C6: variants seen among roughly 807,000 people sequenced by gnomAD.
C6 encodes complement component C6.
C6 carries 101 observed loss-of-function variants against 112.9 expected under a neutral mutation model. That is an observed-to-expected ratio of 0.89 (90% CI 0.76 to 1.06). The LOEUF (loss-of-function observed/expected upper bound fraction) is 1.06. C6 is among the 50% of genes least tolerant of loss of function. C6 has a pLI of 0.00. For synonymous variants in C6, 431 were observed against 384.1 expected, an observed-to-expected ratio of 1.12 and a Z score of -1.43; for missense variants, 1,202 against 1,104.6, an observed-to-expected ratio of 1.09 and a Z score of -1.25.
At chr5:41,194,119 A>G (rs1183566444) in intron 5 of C6, among the ~76,000 whole-genome samples, 2 of 152,176 alleles carry the variant, frequency 1.3e-5, no homozygotes, top group Non-Finnish European at 2.9e-5. Context: ...CCCTTCATCA[A>G]TCAGAACATT....
intron 1 of C6, among the ~76,000 whole-genome samples, chr5:41,207,892 C>T (rs1751568171): frequency 6.6e-6 from 1 of 152,164 alleles, no homozygotes; most frequent in Admixed American, 6.5e-5. Context: ...TAGACATCTC[C>T]AGAACTCTCC....
At chr5:41,161,084 C>A (rs988138933) in intron 10 of C6, among the ~76,000 whole-genome samples, 1 of 152,054 alleles carries the variant, frequency 6.6e-6, no homozygotes, top group African/African-American at 2.4e-5. Flanking sequence ...ATGATTGAAA[C>A]CTTTTATCTT....
intron 1 of C6, among the ~76,000 whole-genome samples, chr5:41,245,514 A>T (rs1252816775): frequency 6.6e-6 from 1 of 152,158 alleles, no homozygotes; most frequent in Non-Finnish European, 1.5e-5. Context: ...AGAAAAAAAA[A>T]AATTTAACAA....
intron 6 of C6, among the ~76,000 whole-genome samples, chr5:41,185,707 T>A (rs1030677885): frequency 6.6e-6 from 1 of 152,188 alleles, no homozygotes; most frequent in African/African-American, 2.4e-5. Flanking sequence ...CTAAGAGCAC[T>A]ACCTAGGTTA....
intron 7 of C6, among the ~76,000 whole-genome samples, chr5:41,178,466 C>CTTTTTTTTTT (rs70988836): frequency 4.6e-4 from 47 of 101,596 alleles, no homozygotes; most frequent in Non-Finnish European, 5.7e-4. Flanking sequence ...TTTTCTTTTT[C>CTTTTTTTTTT]TTTTTTTTTT....
intron 13 of C6, among the ~76,000 whole-genome samples, chr5:41,157,975 G>T (rs150023143): frequency 6.6e-6 from 1 of 152,150 alleles, no homozygotes; most frequent in South Asian, 2.1e-4. Context: ...TTAGAGAATT[G>T]AGTGTTATTG....
intron 13 of C6, 125 bp from the exon 14 acceptor site, chr5:41,155,229 T>C: frequency 2.4e-6 from 2 of 838,288 alleles, no homozygotes; most frequent in Non-Finnish European, 3.7e-6. Context: ...TCCTCTCAAT[T>C]TCTACTTCTA....
intron 15 of C6, among the ~76,000 whole-genome samples, chr5:41,151,949 G>A (rs1021898912): frequency 2.6e-5 from 4 of 151,698 alleles, no homozygotes; most frequent in Non-Finnish European, 4.4e-5. Context: ...GAGAAATGCA[G>A]CTCCTAAATG....
intron 1 of C6, among the ~76,000 whole-genome samples, chr5:41,243,107 G>A (rs905993853): frequency 6.6e-6 from 1 of 152,016 alleles, no homozygotes; most frequent in African/African-American, 2.4e-5. Flanking sequence ...GTGAATAATA[G>A]GATATTGTAC....
rs148402406 is a variant in C6 at position 41,203,203 on chromosome 5, T to A, written c.28A>T (p.Ile10Phe). 1.9e-6 allele frequency: 3 copies of A among 1,613,930 alleles called. No homozygotes were observed. The highest frequency in any genetic ancestry group is 2.5e-6 in the Non-Finnish European group (3 of 1,179,974). MARRSVLYF[I>F]LLNALINKGQ... ...TTGTTGATCAGAGCATTCAGCAGGATGAAGTACAAGACAGAGCGTCTGGCC... is the reference window on the plus strand; with the variant it reads ...TTGTTGATCAGAGCATTCAGCAGGAAGAAGTACAAGACAGAGCGTCTGGCC... Residue 10 changes from isoleucine (I) to phenylalanine (F), a missense_variant, in exon 2 of 18, where the codon ATC becomes TTC. Transcript: ENST00000337836.
At chr5:41,217,587 G>A (rs7444800), upstream of C6, among the ~76,000 whole-genome samples, 107,816 of 152,012 alleles carry the variant, frequency 0.71, 38,358 homozygotes, top group Non-Finnish European at 0.74. Context: ...TGTTTGTTGA[G>A]TTGTTGAACA....
chr5:41,190,275 A>G lies in C6; in HGVS notation c.588-4067T>C, dbSNP rs116884568. 8.5e-4 allele frequency among the ~76,000 whole-genome samples: 130 copies of G among 152,076 alleles called. 1 individual carries two copies. In the East Asian group the frequency reaches 0.023, roughly 27 times the overall value. ...CTCCACATCCTTTCCAGCATTTGCT[A>G]TTTTTTTGTCTTTTTGATAATAGTC... On this transcript the variant is annotated intron_variant, in intron 5 of 17. Coordinates refer to ENST00000337836, the MANE Select transcript of C6 (RefSeq NM_000065.5).
chr5:41,172,117 T>A, intron 9 of C6, 108 bp downstream of exon 9: 3 of 1,132,488 alleles, frequency 2.6e-6, no homozygotes, highest in Non-Finnish European at 4.0e-6. Context: ...GGAAGAGAAA[T>A]GAAATAAATG....
At chr5:41,201,168 T>C (rs1751005176) in intron 3 of C6, among the ~76,000 whole-genome samples, 1 of 152,148 alleles carries the variant, frequency 6.6e-6, no homozygotes, top group South Asian at 2.1e-4. Context: ...TACTACGTTA[T>C]GTATATGCAA....
Position 41,203,263 on chromosome 5 carries a change from A to G in C6, c.-20-13T>C. 6.2e-7 allele frequency: 1 copy of G among 1,613,382 alleles called. No homozygotes were observed. The highest frequency in any genetic ancestry group is 1.1e-5 in the South Asian group (1 of 91,064). On this transcript the variant is annotated splice_polypyrimidine_tract_variant and intron_variant, in intron 1 of 17. Transcript: ENST00000337836. ...GAGCCTCCAGGCCCTAAAATGAAAG[A>G]ATACATAACACATATCAAATGCTTT...
intron 15 of C6, among the ~76,000 whole-genome samples, chr5:41,150,684 C>T (rs191787305): frequency 5.9e-5 from 9 of 151,930 alleles, no homozygotes; most frequent in East Asian, 5.8e-4. Flanking sequence ...GTCAGGAGTT[C>T]GAGAACAGCC....
intron 1 of C6, among the ~76,000 whole-genome samples, chr5:41,246,631 T>C (rs1185829351): frequency 6.6e-6 from 1 of 152,194 alleles, no homozygotes; most frequent in Non-Finnish European, 1.5e-5. Flanking sequence ...GGAGATGCTG[T>C]GGGCCCATAA....
chr5:41,201,556 A>G lies in C6; in HGVS notation c.300+2T>C, dbSNP rs1220645755. 2 of 1,613,554 alleles carry G rather than the reference A, an allele frequency of 1.2e-6. No homozygotes were observed. Among genetic ancestry groups the G allele is most frequent in the East Asian group, 4.5e-5 (2 of 44,794 alleles). ...TTCCTGGAAATGCCCATGGTTGCCTACCTGTTTTTCAATACAAGGGTCACA... is the reference window on the plus strand; with the variant it reads ...TTCCTGGAAATGCCCATGGTTGCCTGCCTGTTTTTCAATACAAGGGTCACA... On this transcript the variant is annotated splice_donor_variant, in intron 3 of 17. Transcript: ENST00000337836. LOFTEE classifies it high-confidence loss of function.
chr5:41,226,010 C>A (rs1047925480), intron 1 of C6, among the ~76,000 whole-genome samples: 7 of 152,098 alleles, frequency 4.6e-5, no homozygotes, highest in Non-Finnish European at 8.8e-5. Context: ...TAGAAGAAAA[C>A]CTAGGTGATA....
Sources: gnomAD v4.1 joint callset for allele counts (sites outside exome capture counted in the v4.1 genomes callset) on GRCh38, gnomAD v4.1.1 for gene constraint, MANE v1.5 for transcripts, NCBI Gene and HGNC (gene_info 2026-07-23, HGNC 2026-07-21) for gene names.